RANBP2: variants seen among roughly 807,000 people sequenced by gnomAD.
RANBP2 encodes the protein E3 SUMO-protein ligase RanBP2.
A neutral mutation model predicts 303.6 loss-of-function variants in RANBP2; 57 were observed. That is an observed-to-expected ratio of 0.19 (90% CI 0.15 to 0.23). The LOEUF (loss-of-function observed/expected upper bound fraction) is 0.23. Among genes scored for constraint, RANBP2 ranks in the 10% least tolerant of loss-of-function variants. The pLI, the probability that RANBP2 is intolerant of heterozygous loss-of-function variation, is 1.00. For synonymous variants in RANBP2, 1,167 were observed against 1,301.5 expected (o/e 0.90, Z 2.23); for missense variants, 3,138 against 3,780.8 (o/e 0.83, Z 4.46).
chr2:109,003,205 CAAAAAAAAAAA>C, the RANBP2 span, among the ~76,000 whole-genome samples: 3 of 45,438 alleles, frequency 6.6e-5, no homozygotes, highest in East Asian at 1.3e-3. Flanking sequence ...GTCTCCCTCT[CAAAAAAAAAAA>C]AAAAAAAAAA....
chr2:109,108,201 G>A, the RANBP2 span, among the ~76,000 whole-genome samples: 6 of 152,134 alleles, frequency 3.9e-5, no homozygotes, highest in South Asian at 2.1e-4. Context: ...CAGGACGCCC[G>A]GCCTAATTTT....
intron 25 of RANBP2, 150 bp from the exon 26 acceptor site, chr2:108,781,119 G>A: frequency 1.1e-6 from 1 of 917,774 alleles, no homozygotes; most frequent in Admixed American, 2.6e-5. Flanking sequence ...TTACAGGCGT[G>A]AGGAATTTAC....
chr2:108,901,808 CTG>C, the RANBP2 span, among the ~76,000 whole-genome samples: 25 of 152,194 alleles, frequency 1.6e-4, no homozygotes, highest in Non-Finnish European at 3.4e-4. Flanking sequence ...GAATTTGTAA[CTG>C]TAAAAATATC....
chr2:109,370,328 C>T, the RANBP2 span, among the ~76,000 whole-genome samples: 2 of 151,944 alleles, frequency 1.3e-5, no homozygotes, highest in Non-Finnish European at 2.9e-5. Context: ...CAACCTCTGC[C>T]TCCCGGGTTC....
chr2:109,050,637 C>T, the RANBP2 span, among the ~76,000 whole-genome samples: 3 of 152,052 alleles, frequency 2.0e-5, no homozygotes, highest in African/African-American at 7.2e-5. Context: ...GGCACACCCA[C>T]TGCCTAAAAC....
the RANBP2 span, among the ~76,000 whole-genome samples, chr2:109,692,006 A>G: frequency 1.3e-5 from 2 of 150,060 alleles, no homozygotes; most frequent in Admixed American, 1.3e-4. Context: ...CTGGTCTTGA[A>G]CTCCCGACCT....
chr2:109,742,179 T>G, the RANBP2 span, among the ~76,000 whole-genome samples: 221 of 80,140 alleles, frequency 2.8e-3, 2 homozygotes, highest in Non-Finnish European at 3.4e-3. Context: ...CCCAGCACTT[T>G]GGGAGGCCGG....
At chr2:108,855,359 C>G in the RANBP2 span, among the ~76,000 whole-genome samples, 1 of 152,064 alleles carries the variant, frequency 6.6e-6, no homozygotes, top group Non-Finnish European at 1.5e-5. Context: ...CCTGTTTAAT[C>G]TTGTCAAATT....
chr2:108,722,134 A>G (rs935715872), intron 1 of RANBP2, among the ~76,000 whole-genome samples: 14 of 151,902 alleles, frequency 9.2e-5, no homozygotes, highest in Admixed American at 3.3e-4. Flanking sequence ...AAGATTAAAA[A>G]CCACTGGTCT....
In RANBP2 at chr2:108,742,714, AT is replaced by A. The variant is rs201574006; in HGVS notation, c.975+2036del. The stretch of plus-strand genomic sequence containing the variant: ...GAATTGGATTAGTGAAAATTAATGG[AT>A]TTAGTGAGGTTCACTAGGTAATACC... On this transcript the variant is annotated intron_variant, in intron 7 of 28. Coordinates refer to ENST00000283195, the MANE Select transcript of RANBP2 (RefSeq NM_006267.5). Among the ~76,000 whole-genome samples, 686 of 152,354 alleles carry A rather than the reference AT, an allele frequency of 4.5e-3. 4 individuals carry two copies. The highest frequency in any genetic ancestry group is 0.016 in the African/African-American group (655 of 41,576).
chr2:109,002,075 A>C, the RANBP2 span, among the ~76,000 whole-genome samples: 2 of 152,116 alleles, frequency 1.3e-5, no homozygotes, highest in East Asian at 3.9e-4. Context: ...TCCATCCAAG[A>C]GTAGGGAGTT....
the RANBP2 span, among the ~76,000 whole-genome samples, chr2:109,444,759 G>T: frequency 6.6e-6 from 1 of 152,276 alleles, no homozygotes; most frequent in South Asian, 2.1e-4. Context: ...ACAAAGAGCC[G>T]CAAGCTCAGG....
At chr2:108,727,101 C>T (rs1274814787) in intron 1 of RANBP2, among the ~76,000 whole-genome samples, 5 of 152,150 alleles carry the variant, frequency 3.3e-5, no homozygotes, top group African/African-American at 1.2e-4. Context: ...CTTTCTATTC[C>T]ACAAAACCGC....
Position 108,729,281 on chromosome 2 carries a change from G to A in RANBP2, c.140+82G>A, listed in dbSNP as rs576750172. ...TCTTCTTTGAAATAGGTAAAAATAT[G>A]TTCTTAGTAGTTCTTCCTAAGTGTA... On this transcript the variant is annotated intron_variant, in intron 2 of 28. Coordinates refer to ENST00000283195, the MANE Select transcript of RANBP2 (RefSeq NM_006267.5). 685 of 1,345,928 alleles carry A rather than the reference G, an allele frequency of 5.1e-4. 1 individual carries two copies. The African/African-American group carries it at 8.6e-3, about 17-fold the overall frequency. The allele number at this position is 1,345,928 out of a possible 1,614,324, so 83.4% of individuals were successfully genotyped here.
chr2:108,766,036 T>A lies in RANBP2; in HGVS notation c.5497T>A (p.Ser1833Thr), dbSNP rs530083651. 22 of 1,614,168 alleles carry A rather than the reference T, an allele frequency of 1.4e-5. No homozygotes were observed. The Admixed American group carries it at 2.3e-4, about 17-fold the overall frequency. The change falls in exon 20 of 29, where the codon TCT (serine) becomes ACT (threonine). Residue 1833 changes from serine to threonine, a missense_variant. Ser to Thr is a moderately conservative substitution (Grantham distance 58). Around this residue, in one of 20 missense-constraint regions of RANBP2, gnomAD observed 348 missense variants for 360.4 expected, o/e 0.97. Coordinates refer to ENST00000283195, the MANE Select transcript of RANBP2 (RefSeq NM_006267.5). ...LGSEMKLHDSSGSQVGTGFKS... is the reference protein window; with the variant it reads ...LGSEMKLHDSTGSQVGTGFKS... ...CTCAGAAATGAAGTTGCATGACTCTTCTGGAAGTCAGGTGGGAACAGGATT... is the reference window on the plus strand; with the variant it reads ...CTCAGAAATGAAGTTGCATGACTCTACTGGAAGTCAGGTGGGAACAGGATT...
chr2:109,582,389 G>A, the RANBP2 span, among the ~76,000 whole-genome samples: 20 of 152,192 alleles, frequency 1.3e-4, 1 homozygote, highest in South Asian at 3.3e-3. Context: ...GCATGATCAC[G>A]GCTCACTGCA....
At chr2:109,005,368 T>C in the RANBP2 span, among the ~76,000 whole-genome samples, 1 of 152,214 alleles carries the variant, frequency 6.6e-6, no homozygotes, top group African/African-American at 2.4e-5. Flanking sequence ...CAAGTAGACC[T>C]TCCACAGCCT....
At chr2:109,078,749 A>G in the RANBP2 span, among the ~76,000 whole-genome samples, 17 of 140,038 alleles carry the variant, frequency 1.2e-4, no homozygotes, top group African/African-American at 3.0e-4. Context: ...TTGGGAGGCC[A>G]AGGCGGGCAG....
chr2:109,572,921 C>T, the RANBP2 span, among the ~76,000 whole-genome samples: 1 of 152,056 alleles, frequency 6.6e-6, no homozygotes, highest in Non-Finnish European at 1.5e-5. Flanking sequence ...AGCCCAACAA[C>T]CTTCTTATGT....
Sources: gnomAD v4.1 joint callset for allele counts (sites outside exome capture counted in the v4.1 genomes callset) on GRCh38, gnomAD v4.1.1 for gene constraint, gnomAD v4.1.1 regional missense constraint, MANE v1.5 for transcripts, NCBI Gene and HGNC (gene_info 2026-07-23, HGNC 2026-07-21) for gene names.